CFAP299: variants seen among roughly 807,000 people sequenced by gnomAD.
The protein encoded by CFAP299 is cilia- and flagella-associated protein 299.
A neutral mutation model predicts 27.0 loss-of-function variants in CFAP299; 21 were observed. That is an observed-to-expected ratio of 0.78 (90% CI 0.55 to 1.12). CFAP299 has a LOEUF of 1.12. CFAP299 is among the 50% of genes most tolerant of loss of function. The pLI, the probability that CFAP299 is intolerant of heterozygous loss-of-function variation, is 0.00. For synonymous variants in CFAP299, 104 were observed against 98.1 expected (o/e 1.06, Z -0.36); for missense variants, 310 against 276.6 (o/e 1.12, Z -0.86).
At chr4:80,953,501 C>CAATG (rs1173764094) in intron 5 of CFAP299, among the ~76,000 whole-genome samples, 2 of 152,144 alleles carry the variant, frequency 1.3e-5, no homozygotes, top group Admixed American at 1.3e-4. Flanking sequence ...CTGCTAAAAT[C>CAATG]AATGGCCTTG....
chr4:80,394,952 T>C (rs917859854), intron 2 of CFAP299, among the ~76,000 whole-genome samples: 1 of 152,134 alleles, frequency 6.6e-6, no homozygotes, highest in Non-Finnish European at 1.5e-5. Flanking sequence ...TTTTTTCTAT[T>C]TCTGTGAAAA....
chr4:80,536,769 A>G (rs1733757095), intron 2 of CFAP299, among the ~76,000 whole-genome samples: 1 of 152,160 alleles, frequency 6.6e-6, no homozygotes, highest in African/African-American at 2.4e-5. Flanking sequence ...TTCAAAGGAA[A>G]CATAGATAAC....
Position 80,453,499 on chromosome 4 carries a change from A to T in CFAP299, c.242+90615A>T, listed in dbSNP as rs7670612. On this transcript the variant is annotated intron_variant, in intron 2 of 5. Coordinates refer to ENST00000358105, the MANE Select transcript of CFAP299 (RefSeq NM_152770.3). ...TTTTAACAAGCTTCTGAAATGCTTT[A>T]AATAATTTAATTTTTTTCATATACC... 2.9e-3 allele frequency among the ~76,000 whole-genome samples: 444 copies of T among 152,176 alleles called. 1 individual carries two copies. The highest frequency in any genetic ancestry group is 4.8e-3 in the Non-Finnish European group (326 of 68,010).
chr4:80,485,831 T>C (rs1301594340), intron 2 of CFAP299, among the ~76,000 whole-genome samples: 2 of 152,220 alleles, frequency 1.3e-5, no homozygotes, highest in African/African-American at 4.8e-5. Flanking sequence ...TTAATTTCAT[T>C]CTTCATAATG....
At chr4:80,602,169 A>G (rs932500002) in intron 3 of CFAP299, among the ~76,000 whole-genome samples, 1 of 152,118 alleles carries the variant, frequency 6.6e-6, no homozygotes, top group African/African-American at 2.4e-5. Context: ...CATGACACAA[A>G]TTTACCTACG....
intron 1 of CFAP299, among the ~76,000 whole-genome samples, chr4:80,351,287 A>G (rs917274380): frequency 2.6e-5 from 4 of 152,204 alleles, no homozygotes; most frequent in African/African-American, 9.6e-5. Context: ...AAAGAAAAAT[A>G]ATGACATTGC....
intron 2 of CFAP299, among the ~76,000 whole-genome samples, chr4:80,400,074 G>T (rs1726056132): frequency 6.6e-6 from 1 of 152,158 alleles, no homozygotes. Flanking sequence ...TTTGAAATGT[G>T]TGCTTTACTT....
intron 2 of CFAP299, among the ~76,000 whole-genome samples, chr4:80,503,759 C>G (rs564542259): frequency 8.5e-5 from 13 of 152,234 alleles, no homozygotes; most frequent in South Asian, 2.1e-4. Flanking sequence ...GCAGAGGTTA[C>G]CTTACTCACC....
intron 3 of CFAP299, among the ~76,000 whole-genome samples, chr4:80,717,099 A>C (rs1289209485): frequency 6.6e-6 from 1 of 152,170 alleles, no homozygotes; most frequent in Non-Finnish European, 1.5e-5. Context: ...ACCAATGAAT[A>C]CGACAGATAC....
intron 2 of CFAP299, among the ~76,000 whole-genome samples, chr4:80,467,137 C>T (rs1461689527): frequency 6.6e-6 from 1 of 152,188 alleles, no homozygotes; most frequent in African/African-American, 2.4e-5. Context: ...CCAGCATTCA[C>T]AAGCCTGCAA....
intron 4 of CFAP299, among the ~76,000 whole-genome samples, chr4:80,902,790 A>G (rs1734995123): frequency 6.6e-6 from 1 of 151,700 alleles, no homozygotes; most frequent in African/African-American, 2.4e-5. Flanking sequence ...ACTATTTTTT[A>G]CCTCCAATTG....
intron 4 of CFAP299, among the ~76,000 whole-genome samples, chr4:80,938,386 C>T (rs1205911864): frequency 2.0e-5 from 3 of 152,218 alleles, no homozygotes; most frequent in Admixed American, 2.0e-4. Context: ...TCTTAAACCA[C>T]TAACAATAGC....
chr4:80,453,057 G>T (rs1560574119), intron 2 of CFAP299, among the ~76,000 whole-genome samples: 1 of 152,170 alleles, frequency 6.6e-6, no homozygotes, highest in Non-Finnish European at 1.5e-5. Flanking sequence ...TAACGTGCCT[G>T]ACTTGGAGAG....
intron 2 of CFAP299, among the ~76,000 whole-genome samples, chr4:80,549,911 G>A (rs1734417336): frequency 6.6e-6 from 1 of 151,670 alleles, no homozygotes; most frequent in African/African-American, 2.4e-5. Context: ...AAGGTAAAAG[G>A]AAAATATGAA....
chr4:80,361,773 A>G (rs959889306), intron 1 of CFAP299, among the ~76,000 whole-genome samples: 4 of 152,154 alleles, frequency 2.6e-5, no homozygotes, highest in African/African-American at 4.8e-5. Context: ...TTTAACCACT[A>G]TGGTTTGAAT....
At chr4:80,507,194 G>T (rs968100593) in intron 2 of CFAP299, among the ~76,000 whole-genome samples, 8 of 152,054 alleles carry the variant, frequency 5.3e-5, no homozygotes, top group African/African-American at 1.9e-4. Flanking sequence ...CAGGTGGGTG[G>T]TTGGGAAAGG....
At chr4:80,753,199 T>G (rs964963944) in intron 3 of CFAP299, among the ~76,000 whole-genome samples, 1 of 151,930 alleles carries the variant, frequency 6.6e-6, no homozygotes, top group Non-Finnish European at 1.5e-5. Flanking sequence ...AATGTCTCTA[T>G]TTATTTTTGT....
intron 3 of CFAP299, among the ~76,000 whole-genome samples, chr4:80,800,191 A>T (rs1374615892): frequency 2.7e-5 from 2 of 74,178 alleles, no homozygotes; most frequent in African/African-American, 1.1e-4. Flanking sequence ...AATATGTAAT[A>T]CTATATAATA....
At chr4:80,622,444 T>C (rs1175815102) in intron 3 of CFAP299, among the ~76,000 whole-genome samples, 1 of 152,206 alleles carries the variant, frequency 6.6e-6, no homozygotes, top group African/African-American at 2.4e-5. Flanking sequence ...GCATTCTGTT[T>C]CAAAACTCAG....
Sources: gnomAD v4.1 joint callset for allele counts (sites outside exome capture counted in the v4.1 genomes callset) on GRCh38, gnomAD v4.1.1 for gene constraint, MANE v1.5 for transcripts, NCBI Gene and HGNC (gene_info 2026-07-23, HGNC 2026-07-21) for gene names.